Variants in DACH1 observed in about 807,000 individuals in gnomAD.
DACH1 encodes dachshund homolog 1.
A neutral mutation model predicts 54.2 loss-of-function variants in DACH1; 12 were observed. The ratio of observed to expected loss-of-function variants is 0.22; its 90% CI spans 0.14 to 0.36. The LOEUF is 0.36. Ranked by LOEUF, DACH1 falls within the 10% of genes least tolerant of loss-of-function variation. The pLI is 1.00. For synonymous variants in DACH1, 386 were observed against 366.2 expected, an observed-to-expected ratio of 1.05 and a Z score of -0.62; for missense variants, 805 against 929.8, an observed-to-expected ratio of 0.87 and a Z score of 1.75.
At chr13:71,589,091 G>A (rs1049052418) in intron 3 of DACH1, among the ~76,000 whole-genome samples, 1 of 151,900 alleles carries the variant, frequency 6.6e-6, no homozygotes, top group Admixed American at 6.6e-5. Context: ...CCACTAACTG[G>A]TTATGACAAT....
chr13:71,595,544 G>C (rs1316015311), intron 3 of DACH1, among the ~76,000 whole-genome samples: 1 of 152,104 alleles, frequency 6.6e-6, no homozygotes, highest in African/African-American at 2.4e-5. Context: ...ATGTATAACA[G>C]AGGGAAGAAT....
chr13:71,836,968 T>C (rs1020775143), intron 1 of DACH1, among the ~76,000 whole-genome samples: 1 of 151,858 alleles, frequency 6.6e-6, no homozygotes, highest in Non-Finnish European at 1.5e-5. Context: ...CAAATATGCA[T>C]TGAGTAGATA....
intron 1 of DACH1, among the ~76,000 whole-genome samples, chr13:71,856,190 T>C (rs1431013872): frequency 6.6e-6 from 1 of 151,948 alleles, no homozygotes; most frequent in Admixed American, 6.6e-5. Context: ...AAGGTTTGAA[T>C]TGGGATCAGT....
chr13:71,804,667 C>T (rs764214916), intron 1 of DACH1, among the ~76,000 whole-genome samples: 25 of 152,158 alleles, frequency 1.6e-4, no homozygotes, highest in African/African-American at 3.4e-4. Flanking sequence ...AGTTCCCACC[C>T]TCTGGAATGC....
At chr13:71,829,854 T>A (rs1351934912) in intron 1 of DACH1, among the ~76,000 whole-genome samples, 1 of 151,890 alleles carries the variant, frequency 6.6e-6, no homozygotes, top group African/African-American at 2.4e-5. Flanking sequence ...ACTTTCTATT[T>A]GAGACCATCT....
rs1296910376 is a variant in DACH1 at position 71,664,005 on chromosome 13, T to TAGC, written c.964+17789_964+17790insGCT. On this transcript the variant is annotated intron_variant, in intron 2 of 10. Transcript: ENST00000613252. ...TAGTTAGGTTGCAAATACCCAATGC[T>TAGC]ATTGTAAAAAAAATCTCCAGTGTGA... Among the ~76,000 whole-genome samples, 23 of 152,022 alleles carry TAGC rather than the reference T, an allele frequency of 1.5e-4. No individual in the cohort carries two copies. The South Asian group carries it at 4.8e-3, about 32-fold the overall frequency.
chr13:71,647,298 T>C (rs1450347278), intron 2 of DACH1, among the ~76,000 whole-genome samples: 1 of 152,176 alleles, frequency 6.6e-6, no homozygotes, highest in Non-Finnish European at 1.5e-5. Context: ...AAGACATTAG[T>C]TTGAAAACAT....
chr13:71,769,735 C>T (rs1594199234), intron 1 of DACH1, among the ~76,000 whole-genome samples: 1 of 151,734 alleles, frequency 6.6e-6, no homozygotes, highest in East Asian at 1.9e-4. Flanking sequence ...ATTCTAATTT[C>T]AACTTTTTAG....
intron 1 of DACH1, among the ~76,000 whole-genome samples, chr13:71,782,114 T>C (rs1012360243): frequency 2.6e-5 from 4 of 152,134 alleles, no homozygotes; most frequent in African/African-American, 9.7e-5. Flanking sequence ...CCTCCTATTC[T>C]GCAAAACCCA....
chr13:71,444,823 C>G (rs910981219), intron 10 of DACH1, among the ~76,000 whole-genome samples: 1 of 152,080 alleles, frequency 6.6e-6, no homozygotes, highest in African/African-American at 2.4e-5. Flanking sequence ...CTTTTACTTC[C>G]CTCCCCTAGG....
At chr13:71,827,703 T>A (rs1489082487) in intron 1 of DACH1, among the ~76,000 whole-genome samples, 4 of 152,076 alleles carry the variant, frequency 2.6e-5, no homozygotes, top group Non-Finnish European at 5.9e-5. Context: ...CAATTTAATT[T>A]ATGTCACTAA....
intron 3 of DACH1, among the ~76,000 whole-genome samples, chr13:71,607,326 T>G (rs1189774969): frequency 6.6e-6 from 1 of 152,062 alleles, no homozygotes; most frequent in African/African-American, 2.4e-5. Context: ...GGCTTATTAT[T>G]GTTTTGTATA....
At chr13:71,478,248 GA>G (rs1300530028) in intron 8 of DACH1, among the ~76,000 whole-genome samples, 9 of 152,070 alleles carry the variant, frequency 5.9e-5, no homozygotes, top group African/African-American at 1.7e-4. Flanking sequence ...ACATTATTTA[GA>G]ACTGTGCTAT....
chr13:71,840,490 C>A (rs1165840800), intron 1 of DACH1, among the ~76,000 whole-genome samples: 1 of 152,130 alleles, frequency 6.6e-6, no homozygotes, highest in Non-Finnish European at 1.5e-5. Context: ...AATCTCACAA[C>A]CCCGATTAAT....
intron 1 of DACH1, among the ~76,000 whole-genome samples, chr13:71,827,725 C>T (rs1183091655): frequency 6.6e-6 from 1 of 152,034 alleles, no homozygotes; most frequent in African/African-American, 2.4e-5. Context: ...AATAAAACTT[C>T]AGACTGTGCA....
chr13:71,816,004 G>A (rs1887905385), intron 1 of DACH1, among the ~76,000 whole-genome samples: 1 of 151,958 alleles, frequency 6.6e-6, no homozygotes. Flanking sequence ...AGAATGGCAT[G>A]AACCCGGGAG....
intron 1 of DACH1, among the ~76,000 whole-genome samples, chr13:71,830,349 T>C (rs1440530792): frequency 6.6e-6 from 1 of 151,900 alleles, no homozygotes; most frequent in Non-Finnish European, 1.5e-5. Flanking sequence ...CCAGAGCTTT[T>C]GTTCTTTCAG....
intron 1 of DACH1, among the ~76,000 whole-genome samples, chr13:71,834,716 G>A (rs1219377219): frequency 2.0e-5 from 3 of 151,572 alleles, no homozygotes; most frequent in Non-Finnish European, 2.9e-5. Context: ...ACTTAAATTG[G>A]TTTCGTTTTC....
chr13:71,694,017 A>G (rs889986742), intron 1 of DACH1, among the ~76,000 whole-genome samples: 171 of 152,306 alleles, frequency 1.1e-3, no homozygotes, highest in Non-Finnish European at 3.5e-4. Context: ...GTAGTCTCAA[A>G]TGAGGGTAAA....
Sources: gnomAD v4.1 joint callset for allele counts (sites outside exome capture counted in the v4.1 genomes callset) on GRCh38, gnomAD v4.1.1 for gene constraint, MANE v1.5 for transcripts, NCBI Gene and HGNC (gene_info 2026-07-23, HGNC 2026-07-21) for gene names.